NCOA2: variants seen among roughly 807,000 people sequenced by gnomAD.
NCOA2 encodes class E basic helix-loop-helix protein 75.
In NCOA2, 21 loss-of-function variants were observed where a neutral mutation model predicts 145.1. The ratio of observed to expected loss-of-function variants is 0.14; its 90% CI spans 0.10 to 0.21. The LOEUF (loss-of-function observed/expected upper bound fraction) is 0.21. Among genes scored for constraint, NCOA2 ranks in the 10% least tolerant of loss-of-function variants. NCOA2 has a pLI of 1.00. For synonymous variants in NCOA2, 619 were observed against 637.5 expected (o/e 0.97, Z 0.44); for missense variants, 1,472 against 1,837.6 (o/e 0.80, Z 3.64).
At chr8:70,397,458 A>T (rs953304527) in intron 1 of NCOA2, among the ~76,000 whole-genome samples, 12 of 141,568 alleles carry the variant, frequency 8.5e-5, no homozygotes, top group Admixed American at 2.0e-4. Flanking sequence ...GTCTCAAAAA[A>T]AGGAAAAAAA....
At chr8:70,297,489 A>G (rs979422806) in intron 1 of NCOA2, among the ~76,000 whole-genome samples, 12 of 152,064 alleles carry the variant, frequency 7.9e-5, no homozygotes, top group African/African-American at 2.9e-4. Context: ...ATGCGCCACC[A>G]CACCCAGCTA....
chr8:70,138,208 T>A lies in NCOA2; in HGVS notation c.3153A>T (p.Gln1051His), dbSNP rs777223149. ...CCTAGGTGCTCAGGACTCACCTGTT[T>A]TGGCTGGCAAAAGACGCCTGGTCTA... ...LPIDQASFAS[Q>H]NRQPFGSSPD... is the part of the protein sequence containing the mutation. The change falls in exon 15 of 23, where the codon CAA becomes CAT. Residue 1051 changes from glutamine (Q) to histidine (H), a missense_variant. Physicochemically the swap from Gln to His is conservative, Grantham distance 24. This residue lies in a region of NCOA2 where 953 missense variants were observed against 1,062.1 expected (regional missense o/e 0.90). Coordinates refer to ENST00000452400, the MANE Select transcript of NCOA2 (RefSeq NM_006540.4). 11 of 1,612,668 alleles carry A rather than the reference T, an allele frequency of 6.8e-6. No homozygotes were observed. The South Asian group carries it at 1.2e-4, about 18-fold the overall frequency.
At chr8:70,119,969 A>T (rs1214472466) in intron 22 of NCOA2, among the ~76,000 whole-genome samples, 1 of 151,888 alleles carries the variant, frequency 6.6e-6, no homozygotes, top group Non-Finnish European at 1.5e-5. Flanking sequence ...TCCAAAGTAT[A>T]AGTGATTCTC....
At chr8:70,136,944 T>C (rs928167089) in intron 15 of NCOA2, among the ~76,000 whole-genome samples, 3 of 152,262 alleles carry the variant, frequency 2.0e-5, no homozygotes, top group Non-Finnish European at 4.4e-5. Context: ...GAAAATGTTT[T>C]GTCCACACAT....
At chr8:70,129,608 C>T (rs1307084496) in intron 16 of NCOA2, among the ~76,000 whole-genome samples, 1 of 152,102 alleles carries the variant, frequency 6.6e-6, no homozygotes, top group Admixed American at 6.5e-5. Context: ...GGATTTCCTA[C>T]GTGCCCCACA....
chr8:70,429,960 C>T, the NCOA2 span, among the ~76,000 whole-genome samples: 1 of 152,114 alleles, frequency 6.6e-6, no homozygotes, highest in Non-Finnish European at 1.5e-5. Context: ...TGAAGCGATC[C>T]CCCTGTCTCA....
At chr8:70,337,525 C>T (rs1478681926) in intron 1 of NCOA2, among the ~76,000 whole-genome samples, 1 of 152,158 alleles carries the variant, frequency 6.6e-6, no homozygotes, top group Non-Finnish European at 1.5e-5. Context: ...CTCTGCGTAA[C>T]TTGTATAACT....
intron 2 of NCOA2, among the ~76,000 whole-genome samples, chr8:70,292,385 T>C (rs751356961): frequency 2.0e-5 from 3 of 151,794 alleles, no homozygotes; most frequent in African/African-American, 7.3e-5. Flanking sequence ...TCTCTTGACC[T>C]CGTGATCTGC....
At chr8:70,416,187 G>GTTTTTTTTTT in the NCOA2 span, among the ~76,000 whole-genome samples, 3 of 136,754 alleles carry the variant, frequency 2.2e-5, no homozygotes, top group Non-Finnish European at 3.1e-5. Flanking sequence ...GGGGACCTCA[G>GTTTTTTTTTT]TTTTTTTGTT....
At chr8:70,224,845 G>A (rs751809118) in intron 2 of NCOA2, among the ~76,000 whole-genome samples, 3 of 151,762 alleles carry the variant, frequency 2.0e-5, no homozygotes, top group Non-Finnish European at 4.4e-5. Flanking sequence ...AAACTGTCCA[G>A]GAAACAAGAA....
At chr8:70,152,048 CA>C (rs1341915032) in intron 11 of NCOA2, among the ~76,000 whole-genome samples, 1 of 152,166 alleles carries the variant, frequency 6.6e-6, no homozygotes, top group East Asian at 1.9e-4. Context: ...AATTTCTTTA[CA>C]AGACAAAAAG....
intron 1 of NCOA2, among the ~76,000 whole-genome samples, chr8:70,378,921 CATG>C (rs1048849126): frequency 2.0e-5 from 3 of 152,044 alleles, no homozygotes; most frequent in African/African-American, 7.3e-5. Flanking sequence ...TCGCAGACAC[CATG>C]ATGATGATTT....
At chr8:70,426,185 A>G in the NCOA2 span, among the ~76,000 whole-genome samples, 1 of 152,230 alleles carries the variant, frequency 6.6e-6, no homozygotes, top group Non-Finnish European at 1.5e-5. Flanking sequence ...TAGACTAGTC[A>G]TTCCATCCAT....
intron 4 of NCOA2, among the ~76,000 whole-genome samples, chr8:70,186,291 G>C (rs1454460629): frequency 6.6e-6 from 1 of 152,148 alleles, no homozygotes; most frequent in African/African-American, 2.4e-5. Context: ...ATATCATATA[G>C]AAACAGATTC....
chr8:70,128,718 C>T lies in NCOA2; in HGVS notation c.3587G>A (p.Arg1196His). 6.2e-7 allele frequency: 1 copy of T among 1,613,566 alleles called. No individual in the cohort carries two copies. Among genetic ancestry groups the T allele is most frequent in the Non-Finnish European group, 8.5e-7 (1 of 1,179,822 alleles). ...PNQLRLQLQH[R>H]LQAQQNRQPL... ...AGAACAGACCTGCTGTGCTTGGAGG[C>T]GATGCTGAAGTTGAAGTCTTAGTTG... Residue 1196 changes from arginine to histidine, a missense_variant, in exon 17 of 23, where the codon CGC (arginine) becomes CAC (histidine). Physicochemically the swap from Arg to His is conservative, Grantham distance 29. Transcript: ENST00000452400.
At chr8:70,229,137 C>T (rs898074160) in intron 2 of NCOA2, among the ~76,000 whole-genome samples, 2 of 152,144 alleles carry the variant, frequency 1.3e-5, no homozygotes, top group Non-Finnish European at 2.9e-5. Flanking sequence ...AAATTACAGG[C>T]TTTTAACTTA....
the NCOA2 span, among the ~76,000 whole-genome samples, chr8:70,429,391 A>T: frequency 1.3e-5 from 2 of 152,212 alleles, no homozygotes; most frequent in South Asian, 2.1e-4. Context: ...ATGCCTTTAC[A>T]ATAAAGCAGG....
chr8:70,133,759 A>G (rs564490716), intron 15 of NCOA2, among the ~76,000 whole-genome samples: 69 of 152,384 alleles, frequency 4.5e-4, no homozygotes, highest in Middle Eastern at 3.4e-3. Context: ...ACACAGTTCA[A>G]TATGCCATGT....
intron 5 of NCOA2, among the ~76,000 whole-genome samples, chr8:70,172,612 T>C (rs1005451342): frequency 2.0e-5 from 3 of 152,222 alleles, no homozygotes; most frequent in African/African-American, 7.2e-5. Context: ...TAATACATGG[T>C]ACTAACCTTG....
Sources: gnomAD v4.1 joint callset for allele counts (sites outside exome capture counted in the v4.1 genomes callset) on GRCh38, gnomAD v4.1.1 for gene constraint, gnomAD v4.1.1 regional missense constraint, MANE v1.5 for transcripts, NCBI Gene and HGNC (gene_info 2026-07-23, HGNC 2026-07-21) for gene names.